Variants in TRAPPC3L observed in about 807,000 individuals in gnomAD.
The protein encoded by TRAPPC3L is trafficking protein particle complex subunit 3L, also known as trafficking protein particle complex subunit 3-like protein.
TRAPPC3L carries 23 observed loss-of-function variants against 23.7 expected under a neutral mutation model. That is an observed-to-expected ratio of 0.97 (90% CI 0.70 to 1.37). The LOEUF (loss-of-function observed/expected upper bound fraction) is 1.37. Among genes scored for constraint, TRAPPC3L ranks in the 40% most tolerant of loss-of-function variants. The pLI is 0.00. For missense variants in TRAPPC3L, 212 were observed against 216.8 expected (o/e 0.98, Z 0.14); for synonymous variants, 81 against 77.9 (o/e 1.04, Z -0.21).
At chr6:116,516,168 A>C in intron 3 of TRAPPC3L, 1 of 757,610 alleles carries the variant, frequency 1.3e-6, no homozygotes, top group Non-Finnish European at 1.9e-6. Context: ...ATGTGCTCAA[A>C]TTGATGCTGA....
intron 3 of TRAPPC3L, among the ~76,000 whole-genome samples, chr6:116,537,727 G>A (rs1311854033): frequency 1.3e-5 from 2 of 152,146 alleles, no homozygotes; most frequent in East Asian, 3.8e-4. Context: ...GCTACCTCCT[G>A]CAGAAGAAAA....
At chr6:116,536,761 A>G (rs1371327482) in intron 3 of TRAPPC3L, among the ~76,000 whole-genome samples, 1 of 152,170 alleles carries the variant, frequency 6.6e-6, no homozygotes, top group Non-Finnish European at 1.5e-5. Flanking sequence ...CAAATTTTAC[A>G]GCCATTAGGT....
chr6:116,508,682 C>T (rs1049334444), intron 3 of TRAPPC3L, among the ~76,000 whole-genome samples: 1 of 151,992 alleles, frequency 6.6e-6, no homozygotes, highest in Non-Finnish European at 1.5e-5. Context: ...TATCCCAAAT[C>T]CTAAAATTTG....
At chr6:116,543,679 A>G (rs1773598869) in intron 1 of TRAPPC3L, 1 of 777,830 alleles carries the variant, frequency 1.3e-6, no homozygotes, top group East Asian at 2.7e-5. Context: ...CTTGCAATGT[A>G]TTTTCATGGA....
chr6:116,506,225 C>CA (rs896420389), intron 3 of TRAPPC3L, among the ~76,000 whole-genome samples: 33 of 152,126 alleles, frequency 2.2e-4, no homozygotes, highest in East Asian at 1.5e-3. Flanking sequence ...AGACACTTGT[C>CA]AAAAAAAGAC....
At chr6:116,525,168 T>G (rs767588992) in intron 3 of TRAPPC3L, among the ~76,000 whole-genome samples, 41 of 152,218 alleles carry the variant, frequency 2.7e-4, no homozygotes, top group South Asian at 6.2e-4. Context: ...ATGAGGATGT[T>G]GAATTAGTAC....
intron 3 of TRAPPC3L, among the ~76,000 whole-genome samples, chr6:116,507,137 A>G (rs1772020612): frequency 1.3e-5 from 2 of 152,152 alleles, no homozygotes; most frequent in Non-Finnish European, 2.9e-5. Flanking sequence ...AATCTTTTTA[A>G]AAGATATATA....
At position 116,540,455 on chromosome 6, in the gene TRAPPC3L, C is replaced by T. The variant is rs751059408; in HGVS notation, c.148G>A (p.Gly50Ser). 3.2e-6 allele frequency: 5 copies of T among 1,551,202 alleles called. No individual in the cohort carries two copies. The South Asian group carries it at 4.8e-5, about 15-fold the overall frequency. The change falls in exon 3 of 5, where the codon GGC (glycine) becomes AGC (serine). Residue 50 changes from glycine (G) to serine (S), a missense_variant. By Grantham distance (56) the Gly-to-Ser change is moderately conservative. Coordinates refer to ENST00000368602, the MANE Select transcript of TRAPPC3L (RefSeq NM_001139444.3). ...TCTTCCACAAGCCGCGTTCCAATGC[C>T]GTAACCCCTGTGGATGACGGAAAGA... ...VNQYLDKMGY[G>S]IGTRLVEDFL... is the part of the protein sequence containing the mutation.
In TRAPPC3L at chr6:116,496,433, G is replaced by A. The variant is rs750911446; in HGVS notation, c.*521C>T. On this transcript the variant is annotated 3_prime_UTR_variant, in exon 5 of 5. Transcript: ENST00000368602. ...TGATTACAAATCAAGGGTAGCGTCA[G>A]AAGGCTAAAGCTATAAGCCAAGCTA... The A allele has an allele frequency of 5.3e-5, 8 of 152,140 alleles. No individual in the cohort carries two copies. The highest frequency in any genetic ancestry group is 2.9e-5 in the Non-Finnish European group (2 of 68,020). 9.4% of individuals were successfully genotyped at this position (152,140 alleles called of 1,614,324 possible).
Position 116,497,018 on chromosome 6 carries a change from A to G in TRAPPC3L, c.482T>C (p.Val161Ala). ...TAGAAATGTTATTCCTATTTCTGTC[A>G]CACTGTCACCTTTTAGTCTGTCTTG... ...FLQDRLKGDS[V>A]TEIGITFLKK... is the part of the protein sequence containing the mutation. The change falls in exon 5 of 5, where the codon GTG becomes GCG. Residue 161 changes from valine to alanine, a missense_variant. By Grantham distance (64) the Val-to-Ala change is moderately conservative (BLOSUM62 0). Transcript: ENST00000368602. The G allele has an allele frequency of 6.5e-7, 1 of 1,546,944 alleles. No homozygotes were observed.
rs369306886 is a variant in TRAPPC3L at position 116,506,512 on chromosome 6, G to T, written c.241-5846C>A. 5.9e-5 allele frequency among the ~76,000 whole-genome samples: 9 copies of T among 152,148 alleles called. No homozygotes were observed. The East Asian group carries it at 1.3e-3, about 23-fold the overall frequency. ...CATTTGACCCAGCGATCCCATTACT[G>T]GGTATATATGCAAAGGATTATAAAT... is the stretch of plus-strand genomic sequence containing the variant. On this transcript the variant is annotated intron_variant, in intron 3 of 4. Transcript: ENST00000368602.
At chr6:116,517,991 C>T (rs1385047949) in intron 3 of TRAPPC3L, 1 of 152,366 alleles carries the variant, frequency 6.6e-6, no homozygotes, top group African/African-American at 2.4e-5. Context: ...GCCGTGGAAG[C>T]TCCGTGCCCC....
In TRAPPC3L at chr6:116,512,440, T is replaced by A. The variant is rs1188050703; in HGVS notation, c.241-11774A>T. 3.2e-5 allele frequency: 18 copies of A among 560,268 alleles called. No individual in the cohort carries two copies. In the East Asian group the frequency reaches 5.2e-4, roughly 16 times the overall value. The allele number at this position is 560,268 out of a possible 1,614,324, so 34.7% of individuals were successfully genotyped here. A position where few individuals can be genotyped will look rare whatever the true frequency, so the allele number is the denominator to read the frequency against. On this transcript the variant is annotated intron_variant, in intron 3 of 4. Transcript: ENST00000368602. ...ATAAAGTTGCTGACTGGATTATCTC[T>A]TTTCCGGTTCTGAAAAGAAAATATC...
At chr6:116,525,664 G>A (rs1171747628) in intron 3 of TRAPPC3L, among the ~76,000 whole-genome samples, 1 of 152,140 alleles carries the variant, frequency 6.6e-6, no homozygotes, top group Non-Finnish European at 1.5e-5. Flanking sequence ...GATTAAAATG[G>A]GAAAATGAAT....
intron 3 of TRAPPC3L, chr6:116,512,010 T>A: frequency 6.2e-7 from 1 of 1,614,064 alleles, no homozygotes; most frequent in Non-Finnish European, 8.5e-7. Flanking sequence ...CAGATCACTC[T>A]GAGCTCATTG....
At chr6:116,535,200 A>T (rs2115209230) in intron 3 of TRAPPC3L, among the ~76,000 whole-genome samples, 1 of 152,360 alleles carries the variant, frequency 6.6e-6, no homozygotes, top group South Asian at 2.1e-4. Context: ...AACACCTGAA[A>T]TTCAGAAGAA....
rs192810526 is a variant in TRAPPC3L at position 116,529,378 on chromosome 6, T to C, written c.240+10985A>G. 2.9e-4 allele frequency among the ~76,000 whole-genome samples: 42 copies of C among 147,132 alleles called. 1 individual carries two copies. Among genetic ancestry groups the C allele is most frequent in the Admixed American group, 2.5e-3 (38 of 15,096 alleles). ...GGCGAGATATTAAAAAATTTTAGAA[T>C]CTTTGTAACTAACAGAGTCACAACT... is the stretch of plus-strand genomic sequence containing the variant. On this transcript the variant is annotated intron_variant, in intron 3 of 4. Coordinates refer to ENST00000368602, the MANE Select transcript of TRAPPC3L (RefSeq NM_001139444.3).
chr6:116,503,287 C>T (rs1771948971), intron 3 of TRAPPC3L, among the ~76,000 whole-genome samples: 1 of 152,128 alleles, frequency 6.6e-6, no homozygotes, highest in African/African-American at 2.4e-5. Context: ...AAGGCCATTA[C>T]ATAATGGTAA....
intron 3 of TRAPPC3L, chr6:116,515,850 C>G (rs1252219984): frequency 1.9e-6 from 3 of 1,613,956 alleles, no homozygotes; most frequent in Non-Finnish European, 2.5e-6. Flanking sequence ...GCCTGGGAGG[C>G]TGCTTCAGAG....
Sources: allele counts gnomAD v4.1 joint callset (sites outside exome capture counted in the v4.1 genomes callset), GRCh38; gene constraint gnomAD v4.1.1; transcripts MANE v1.5; gene names NCBI Gene and HGNC (gene_info 2026-07-23, HGNC 2026-07-21).